The following ARHGEF38 variants were observed in gnomAD, a reference collection of about 807,000 sequenced individuals.
ARHGEF38 encodes the protein Rho guanine nucleotide exchange factor (GEF) 38.
Under a neutral mutation model 79.9 loss-of-function variants are expected in ARHGEF38, and 79 were observed. That is an observed-to-expected ratio of 0.99 (90% CI 0.82 to 1.19). ARHGEF38 has a LOEUF of 1.19. ARHGEF38 is among the 50% of genes most tolerant of loss of function. The pLI, the probability that ARHGEF38 is intolerant of heterozygous loss-of-function variation, is 0.00. For missense variants in ARHGEF38, 962 were observed against 907.2 expected, an observed-to-expected ratio of 1.06 and a Z score of -0.78; for synonymous variants, 366 against 328.3, an observed-to-expected ratio of 1.11 and a Z score of -1.24.
chr4:105,643,133 G>GTT (rs11412582), intron 5 of ARHGEF38, among the ~76,000 whole-genome samples: 6,527 of 143,262 alleles, frequency 0.046, 193 homozygotes, highest in Middle Eastern at 0.14. Flanking sequence ...TTTTTTGTTA[G>GTT]TTTTTTTTTT....
chr4:105,576,407 CTTTTT>C (rs35502329), intron 1 of ARHGEF38, among the ~76,000 whole-genome samples: 2 of 128,362 alleles, frequency 1.6e-5, no homozygotes, highest in Admixed American at 7.8e-5. Context: ...TTCTTTTCTT[CTTTTT>C]TTTTTTTTTT....
chr4:105,561,444 A>AGAATAGAATAGAATAGAATAGAATG (rs1725561691), intron 1 of ARHGEF38: 2 of 42,986 alleles, frequency 4.7e-5, no homozygotes, highest in African/African-American at 1.1e-4. Context: ...AGAATAGAAT[A>AGAATAGAATAGAATAGAATAGAATG]GAATGGAATA....
At chr4:105,665,176 AATTATT>A (rs542598625) in intron 10 of ARHGEF38, among the ~76,000 whole-genome samples, 2 of 151,418 alleles carry the variant, frequency 1.3e-5, no homozygotes, top group African/African-American at 4.9e-5. Flanking sequence ...TTTATTTATT[AATTATT>A]ATTATTATTA....
chr4:105,632,090 A>G (rs10516521), intron 4 of ARHGEF38, among the ~76,000 whole-genome samples: 11,876 of 152,256 alleles, frequency 0.078, 522 homozygotes, highest in African/African-American at 0.11. Context: ...CACTAAATTG[A>G]AATCATGATA....
chr4:105,562,747 C>A (rs369949697), intron 1 of ARHGEF38, among the ~76,000 whole-genome samples: 21 of 152,118 alleles, frequency 1.4e-4, no homozygotes, highest in African/African-American at 4.3e-4. Flanking sequence ...TAACAAGGGC[C>A]TGAAGTATAC....
At chr4:105,616,521 C>T (rs996211244) in intron 3 of ARHGEF38, among the ~76,000 whole-genome samples, 1 of 152,092 alleles carries the variant, frequency 6.6e-6, no homozygotes, top group Non-Finnish European at 1.5e-5. Context: ...TGAGAACTCA[C>T]TCACTATCAC....
chr4:105,567,272 C>T (rs1282081911), intron 1 of ARHGEF38, among the ~76,000 whole-genome samples: 1 of 152,104 alleles, frequency 6.6e-6, no homozygotes, highest in East Asian at 1.9e-4. Flanking sequence ...TTTTAAAATG[C>T]AAAGTGATTT....
At chr4:105,648,528 T>C (rs200673534) in intron 6 of ARHGEF38, 21 bp from the exon 7 acceptor site, 139 of 1,486,290 alleles carry the variant, frequency 9.4e-5, no homozygotes, top group Middle Eastern at 3.5e-4. Context: ...TCAGCTACGT[T>C]ATTACATTCT....
At chr4:105,617,893 A>G (rs1728572299) in intron 3 of ARHGEF38, among the ~76,000 whole-genome samples, 2 of 152,212 alleles carry the variant, frequency 1.3e-5, no homozygotes, top group South Asian at 4.1e-4. Context: ...GAAGCCTTTG[A>G]TGGAGCTCCT....
Position 105,679,557 on chromosome 4 carries a change from T to C in ARHGEF38, c.*1620T>C, listed in dbSNP as rs1403599635. On this transcript the variant is annotated 3_prime_UTR_variant, in exon 14 of 14. Coordinates refer to ENST00000420470, the MANE Select transcript of ARHGEF38 (RefSeq NM_001242729.2). ...GTGGGCTAAAGCTGCAGCCAATGCA[T>C]CTATCGCCCCTTTCTCTTCTATCAG... 3 of 1,068,662 alleles carry C rather than the reference T, an allele frequency of 2.8e-6. No individual in the cohort carries two copies. Among genetic ancestry groups the C allele is most frequent in the Non-Finnish European group, 4.4e-6 (3 of 684,822 alleles). The allele number at this position is 1,068,662 out of a possible 1,614,324, so 66.2% of individuals were successfully genotyped here.
rs1731213062 is a variant in ARHGEF38, at chr4:105,678,992, T to C, written c.*1055T>C. 1 of 285,760 alleles carries C rather than the reference T, an allele frequency of 3.5e-6. No homozygotes were observed. Among genetic ancestry groups the C allele is most frequent in the Admixed American group, 3.9e-5 (1 of 25,468 alleles). 17.7% of individuals were successfully genotyped at this position (285,760 alleles called of 1,614,324 possible). On this transcript the variant is annotated 3_prime_UTR_variant, in exon 14 of 14. Transcript: ENST00000420470. ...CAATGATGACCTAATTTTTGATCCA[T>C]AATGTAAGATTAGGTAGAAATAGGC...
intron 10 of ARHGEF38, among the ~76,000 whole-genome samples, chr4:105,659,657 T>A (rs1730482544): frequency 6.6e-6 from 1 of 152,208 alleles, no homozygotes; most frequent in African/African-American, 2.4e-5. Context: ...ACCTGCCTGA[T>A]GCAACATTGA....
rs999384689 is a variant in ARHGEF38 at position 105,679,341 on chromosome 4, C to G, written c.*1404C>G. On this transcript the variant is annotated 3_prime_UTR_variant, in exon 14 of 14. Coordinates refer to ENST00000420470, the MANE Select transcript of ARHGEF38 (RefSeq NM_001242729.2). ...TGACTCAATTGGAGGAATATCAAAG[C>G]AAACACCCATATTTCCTTTCAGGAG... 2.0e-6 allele frequency: 2 copies of G among 992,684 alleles called. No homozygotes were observed. The highest frequency in any genetic ancestry group is 3.2e-6 in the Non-Finnish European group (2 of 625,280). 61.5% of individuals were successfully genotyped at this position (992,684 alleles called of 1,614,324 possible).
intron 1 of ARHGEF38, chr4:105,563,434 T>C (rs1725734468): frequency 6.6e-6 from 1 of 152,216 alleles, no homozygotes; most frequent in African/African-American, 2.4e-5. Flanking sequence ...CAACTGAACA[T>C]CTGTAGTAGG....
At chr4:105,625,815 G>A (rs1256165943) in intron 3 of ARHGEF38, among the ~76,000 whole-genome samples, 1 of 152,158 alleles carries the variant, frequency 6.6e-6, no homozygotes, top group Non-Finnish European at 1.5e-5. Context: ...CAGCTAGCAA[G>A]CTCTGTCACC....
chr4:105,555,303 A>G (rs536014758), intron 1 of ARHGEF38, among the ~76,000 whole-genome samples: 1 of 152,276 alleles, frequency 6.6e-6, no homozygotes, highest in South Asian at 2.1e-4. Flanking sequence ...GTAACATCTT[A>G]AAAACGTAAC....
At chr4:105,663,519 TG>T (rs1189803667) in intron 10 of ARHGEF38, among the ~76,000 whole-genome samples, 1 of 152,222 alleles carries the variant, frequency 6.6e-6, no homozygotes, top group African/African-American at 2.4e-5. Flanking sequence ...TCTACAAATT[TG>T]ACTACTTTAA....
intron 1 of ARHGEF38, among the ~76,000 whole-genome samples, chr4:105,553,433 T>C (rs780992793): frequency 1.3e-5 from 2 of 152,180 alleles, no homozygotes; most frequent in African/African-American, 4.8e-5. Flanking sequence ...TATAATCGTG[T>C]CTGTGACAAA....
intron 10 of ARHGEF38, among the ~76,000 whole-genome samples, chr4:105,662,292 T>C (rs1730591271): frequency 6.6e-6 from 1 of 152,198 alleles, no homozygotes; most frequent in South Asian, 2.1e-4. Context: ...GCAATGTATA[T>C]GCTAGGGAGA....
Sources: allele counts gnomAD v4.1 joint callset (sites outside exome capture counted in the v4.1 genomes callset), GRCh38; gene constraint gnomAD v4.1.1; transcripts MANE v1.5; gene names NCBI Gene and HGNC (gene_info 2026-07-23, HGNC 2026-07-21).